GFM1: variants seen among roughly 807,000 people sequenced by gnomAD.
GFM1 encodes G elongation factor mitochondrial 1, also known as elongation factor G, mitochondrial.
Under a neutral mutation model 96.2 loss-of-function variants are expected in GFM1, and 62 were observed. The observed-to-expected ratio is 0.64, with a 90% CI of 0.53 to 0.80. The LOEUF (loss-of-function observed/expected upper bound fraction) is 0.80. GFM1 is among the 30% of genes least tolerant of loss of function. The probability of loss-of-function intolerance (pLI) is 0.00; values close to 1 mark genes in which losing one functional copy is unlikely to be tolerated. For synonymous variants in GFM1, 282 were observed against 312.9 expected, an observed-to-expected ratio of 0.90 and a Z score of 1.04; for missense variants, 852 against 916.6, an observed-to-expected ratio of 0.93 and a Z score of 0.91.
intron 15 of GFM1, among the ~76,000 whole-genome samples, chr3:158,686,416 T>G (rs1725853281): frequency 6.7e-6 from 1 of 148,970 alleles, no homozygotes; most frequent in African/African-American, 2.4e-5. Flanking sequence ...AAAATGTGTA[T>G]ATATATAATA....
chr3:158,649,745 G>A (rs961438703), intron 5 of GFM1: 2 of 428,438 alleles, frequency 4.7e-6, no homozygotes, highest in East Asian at 6.9e-5. Flanking sequence ...TTGCCTGGTA[G>A]TTATCAAACC....
chr3:158,646,933 C>T lies in GFM1; in HGVS notation c.558C>T (p.Ala186=). ...GAATGGGCTCCAACCCAGCCAGGGCCCTGCAGCAAATGAGGTAATGAGCCT... is the reference window on the plus strand; with the variant it reads ...GAATGGGCTCCAACCCAGCCAGGGCTCTGCAGCAAATGAGGTAATGAGCCT... ...LDRMGSNPAR[A]LQQMRSKLNH... is the part of the protein sequence containing the mutation. The change falls in exon 4 of 18, where the codon GCC becomes GCT. Residue 186 remains alanine (A), a synonymous_variant. Coordinates refer to ENST00000486715, the MANE Select transcript of GFM1 (RefSeq NM_024996.7). 2 of 1,613,884 alleles carry T rather than the reference C, an allele frequency of 1.2e-6. No individual in the cohort carries two copies. The highest frequency in any genetic ancestry group is 1.7e-6 in the Non-Finnish European group (2 of 1,179,828).
chr3:158,668,347 CTG>C (rs1723918344), intron 13 of GFM1, among the ~76,000 whole-genome samples: 1 of 152,018 alleles, frequency 6.6e-6, no homozygotes, highest in South Asian at 2.1e-4. Flanking sequence ...AGAAAAAAAT[CTG>C]TGCATGTTCA....
chr3:158,646,930 G>A lies in GFM1; in HGVS notation c.555G>A (p.Arg185=). The A allele has an allele frequency of 1.9e-6, 3 of 1,614,036 alleles. No individual in the cohort carries two copies. The highest frequency in any genetic ancestry group is 1.3e-5 in the African/African-American group (1 of 75,026). The part of the protein sequence containing the change: ...KLDRMGSNPA[R]ALQQMRSKLN... The stretch of plus-strand genomic sequence containing the variant: ...ACCGAATGGGCTCCAACCCAGCCAG[G>A]GCCCTGCAGCAAATGAGGTAATGAG... Residue 185 remains arginine, a synonymous_variant, in exon 4 of 18, where the codon AGG becomes AGA. Coordinates refer to ENST00000486715, the MANE Select transcript of GFM1 (RefSeq NM_024996.7).
At chr3:158,672,773 T>C (rs942371215) in intron 13 of GFM1, 2 of 314,450 alleles carry the variant, frequency 6.4e-6, no homozygotes, top group East Asian at 7.1e-5. Flanking sequence ...GCCAGCATGC[T>C]TGTCAGGCAC....
At chr3:158,644,788 C>G (rs778513623) in intron 1 of GFM1, 73 bp downstream of exon 1, 1 of 1,281,552 alleles carries the variant, frequency 7.8e-7, no homozygotes, top group Non-Finnish European at 1.1e-6. Flanking sequence ...AATGGAAGGC[C>G]GTGACACCCC....
At position 158,658,994 on chromosome 3, in the gene GFM1, AAC is replaced by A. The variant is rs753061261; in HGVS notation, c.1160_1161del (p.Thr387LysfsTer23). On this transcript the variant is annotated frameshift_variant, in exon 9 of 18. Coordinates refer to ENST00000486715, the MANE Select transcript of GFM1 (RefSeq NM_024996.7). LOFTEE classifies it high-confidence loss of function. ...GELKKGDTIYNTRTRKKVRLQ... is the reference protein window; with the variant it reads ...GELKKGDTIYXTRTRKKVRLQ... The stretch of plus-strand genomic sequence containing the variant: ...GCTAAAGAAGGGTGACACCATCTAT[AAC>A]ACAAGGACAAGAAAGAAAGTACGGT... The A allele has an allele frequency of 1.2e-6, 2 of 1,614,198 alleles. No homozygotes were observed. The highest frequency in any genetic ancestry group is 2.2e-5 in the South Asian group (2 of 91,082).
chr3:158,652,069 A>G, intron 5 of GFM1, 27 bp from the exon 6 acceptor site: 1 of 1,607,662 alleles, frequency 6.2e-7, no homozygotes. Flanking sequence ...GAATATCCTT[A>G]AAGCACCAAA....
At position 158,691,441 on chromosome 3, in the gene GFM1, GT is replaced by G. The variant is rs863224034; in HGVS notation, c.2232del (p.Gly747GlufsTer17). The G allele has an allele frequency of 4.7e-5, 76 of 1,613,766 alleles. No homozygotes were observed. Among genetic ancestry groups the G allele is most frequent in the Non-Finnish European group, 5.8e-5 (69 of 1,179,786 alleles). On this transcript the variant is annotated frameshift_variant, in exon 18 of 18. Coordinates refer to ENST00000486715, the MANE Select transcript of GFM1 (RefSeq NM_024996.7). LOFTEE classifies it high-confidence loss of function. ...KYLEATGQLP[V>X]KKGKAKN is the part of the protein sequence containing the mutation. ...TTTGGAAGCTACAGGTCAACTTCCT[GT>G]TAAAAAAGGAAAAGCCAAGAACTAA...
chr3:158,676,701 CTT>C (rs201525716), intron 13 of GFM1, among the ~76,000 whole-genome samples: 40 of 140,264 alleles, frequency 2.9e-4, no homozygotes, highest in Non-Finnish European at 3.6e-4. Flanking sequence ...TTTTCTTTTT[CTT>C]TTTTTTTTTT....
chr3:158,673,523 T>C (rs1324542638), intron 13 of GFM1, among the ~76,000 whole-genome samples: 1 of 148,732 alleles, frequency 6.7e-6, no homozygotes, highest in African/African-American at 2.5e-5. Flanking sequence ...TTTTTTTTTT[T>C]TTTTTGAGAT....
At chr3:158,682,476 G>C (rs1725480948) in intron 14 of GFM1, 1 of 282,438 alleles carries the variant, frequency 3.5e-6, no homozygotes, top group Non-Finnish European at 6.9e-6. Context: ...AGTTTTATGT[G>C]TACTATTGCA....
Position 158,672,745 on chromosome 3 carries a change from G to C in GFM1, c.1601+6359G>C, listed in dbSNP as rs185460816. On this transcript the variant is annotated intron_variant, in intron 13 of 17. Coordinates refer to ENST00000486715, the MANE Select transcript of GFM1 (RefSeq NM_024996.7). ...GCGGGCTTCCTTACTCCGCCTGCTG[G>C]TTCCTACTGGAGGAGAGGCCAGCAT... 7.0e-4 allele frequency: 259 copies of C among 372,090 alleles called. 3 individuals carry two copies. In the East Asian group the frequency reaches 0.015, roughly 21 times the overall value. The allele number at this position is 372,090 out of a possible 1,614,324, so 23.0% of individuals were successfully genotyped here.
Position 158,674,755 on chromosome 3 carries a change from T to G in GFM1, c.1602-7240T>G, listed in dbSNP as rs1348741436. Among the ~76,000 whole-genome samples, 54 of 152,204 alleles carry G rather than the reference T, an allele frequency of 3.5e-4. 1 individual carries two copies. The highest frequency in any genetic ancestry group is 3.5e-3 in the Admixed American group (54 of 15,286). On this transcript the variant is annotated intron_variant, in intron 13 of 17. Transcript: ENST00000486715. The stretch of plus-strand genomic sequence containing the variant: ...TAATTAGCGTTTTACAGTGATAATT[T>G]CATATTTGTCTAAAACTGGCTGTAG...
intron 13 of GFM1, among the ~76,000 whole-genome samples, chr3:158,674,603 TTTGTC>T (rs1378420467): frequency 6.6e-6 from 1 of 152,228 alleles, no homozygotes; most frequent in Non-Finnish European, 1.5e-5. Flanking sequence ...GAGAACAGTA[TTTGTC>T]TTATTTGTCT....
chr3:158,657,254 T>C (rs1250325420), intron 8 of GFM1: 1 of 152,102 alleles, frequency 6.6e-6, no homozygotes, highest in Non-Finnish European at 1.5e-5. Context: ...TAAAAGTATT[T>C]ACACATAAAG....
chr3:158,654,066 A>G (rs576351135), intron 7 of GFM1, among the ~76,000 whole-genome samples: 1 of 151,746 alleles, frequency 6.6e-6, no homozygotes, highest in Admixed American at 6.6e-5. Context: ...ACAGAATAAG[A>G]TTCCAAAAAA....
chr3:158,684,649 A>G lies in GFM1; in HGVS notation c.1890A>G (p.Gly630=), dbSNP rs756623491. 6.2e-7 allele frequency: 1 copy of G among 1,614,116 alleles called. No individual in the cohort carries two copies. The highest frequency in any genetic ancestry group is 1.7e-5 in the Admixed American group (1 of 60,002). ...DSNEISFIRA[G]EGALKQALAN... ...ATGAAATCTCTTTCATCCGAGCAGG[A>G]GAAGGTGCTCTTAAACAAGGTATGC... is the stretch of plus-strand genomic sequence containing the variant. The change falls in exon 15 of 18, where the codon GGA becomes GGG. Residue 630 remains glycine, a synonymous_variant. Coordinates refer to ENST00000486715, the MANE Select transcript of GFM1 (RefSeq NM_024996.7).
chr3:158,692,048 G>C lies in GFM1; in HGVS notation c.*581G>C, dbSNP rs1276192721. 6.5e-6 allele frequency: 1 copy of C among 152,686 alleles called. No individual in the cohort carries two copies. Among genetic ancestry groups the C allele is most frequent in the Non-Finnish European group, 1.5e-5 (1 of 68,484 alleles). The allele number at this position is 152,686 out of a possible 1,614,324, so 9.5% of individuals were successfully genotyped here. On this transcript the variant is annotated 3_prime_UTR_variant, in exon 18 of 18. Coordinates refer to ENST00000486715, the MANE Select transcript of GFM1 (RefSeq NM_024996.7). The stretch of plus-strand genomic sequence containing the variant: ...TTCTTGGAGTGTCATTAATGGGCAG[G>C]CTTTTCTGTTGAAGAGTGGATTCCG...
Sources: gnomAD v4.1 joint callset for allele counts (sites outside exome capture counted in the v4.1 genomes callset) on GRCh38, gnomAD v4.1.1 for gene constraint, MANE v1.5 for transcripts, NCBI Gene and HGNC (gene_info 2026-07-23, HGNC 2026-07-21) for gene names.